Variants in TULP3 observed in about 807,000 individuals in gnomAD.
The protein encoded by TULP3 is tubby-related protein 3.
TULP3 carries 38 observed loss-of-function variants against 50.7 expected under a neutral mutation model. That is an observed-to-expected ratio of 0.75 (90% CI 0.58 to 0.98). The LOEUF (loss-of-function observed/expected upper bound fraction) is 0.98. Ranked by LOEUF, TULP3 falls within the 50% of genes least tolerant of loss-of-function variation. The probability of loss-of-function intolerance (pLI) is 0.00; values close to 1 mark genes in which losing one functional copy is unlikely to be tolerated. For missense variants in TULP3, 550 were observed against 568.0 expected (o/e 0.97, Z 0.32); for synonymous variants, 183 against 196.6 (o/e 0.93, Z 0.58).
At chr12:2,920,730 T>C in intron 2 of TULP3, 33 bp from the exon 3 acceptor site, 1 of 1,612,156 alleles carries the variant, frequency 6.2e-7, no homozygotes, top group Non-Finnish European at 8.5e-7. Context: ...GTCAAAACTC[T>C]CCTTGCTGGC....
At chr12:2,914,595 G>A (rs1387561895) in intron 2 of TULP3, among the ~76,000 whole-genome samples, 2 of 152,168 alleles carry the variant, frequency 1.3e-5, no homozygotes, top group African/African-American at 4.8e-5. Context: ...CTTTCCTGTT[G>A]AGTATATCTT....
intron 4 of TULP3, among the ~76,000 whole-genome samples, chr12:2,923,933 A>G (rs549845553): frequency 3.2e-3 from 493 of 152,136 alleles, no homozygotes; most frequent in Non-Finnish European, 5.1e-3. Context: ...TAAGCTTGCG[A>G]TTGCACCACT....
intron 8 of TULP3, 36 bp downstream of exon 8, chr12:2,934,597 C>A: frequency 7.1e-7 from 1 of 1,414,662 alleles, no homozygotes; most frequent in Non-Finnish European, 9.6e-7. Flanking sequence ...TGCCTGCCCT[C>A]CTGGTGTCCT....
chr12:2,917,614 A>C lies in TULP3; in HGVS notation c.94-3149A>C, dbSNP rs957709997. Among the ~76,000 whole-genome samples the C allele has an allele frequency of 1.1e-4, 16 of 152,258 alleles. No individual in the cohort carries two copies. In the East Asian group the frequency reaches 3.1e-3, roughly 29 times the overall value. On this transcript the variant is annotated intron_variant, in intron 2 of 10. Transcript: ENST00000448120. ...TTTCCTTGGCCAGGTACGGTGGCTC[A>C]TGCCTGTAATCCCAGCACTTTAGGA... is the stretch of plus-strand genomic sequence containing the variant.
chr12:2,922,128 C>CTT, intron 3 of TULP3, 134 bp from the exon 4 acceptor site: 2 of 1,092,484 alleles, frequency 1.8e-6, no homozygotes, highest in Non-Finnish European at 2.6e-6. Context: ...AACAAATGTT[C>CTT]TTATGGATGT....
At chr12:2,933,143 G>C (rs10848751) in intron 6 of TULP3, among the ~76,000 whole-genome samples, 72,553 of 151,754 alleles carry the variant, frequency 0.48, 17,807 homozygotes, top group African/African-American at 0.6. Flanking sequence ...AGGGTTTACG[G>C]TGTTAGCCAG....
At position 2,939,911 on chromosome 12, in the gene TULP3, C is replaced by T. The variant is rs1038402664; in HGVS notation, c.*467C>T. ...AGATGATTTAAAGCACAGGGAGATT[C>T]TTGTCACATTGGGGTCTCCAAAGCT... On this transcript the variant is annotated 3_prime_UTR_variant, in exon 11 of 11. Coordinates refer to ENST00000448120, the MANE Select transcript of TULP3 (RefSeq NM_003324.5). This position sits in a 1 kb window ranked among gnomAD's most constrained non-coding sequence, Gnocchi z 4.0. The T allele has an allele frequency of 8.0e-6, 10 of 1,253,944 alleles. No individual in the cohort carries two copies. The African/African-American group carries it at 1.4e-4, about 18-fold the overall frequency. The allele number at this position is 1,253,944 out of a possible 1,614,324, so 77.7% of individuals were successfully genotyped here. A position where few individuals can be genotyped will look rare whatever the true frequency, so the allele number is the denominator to read the frequency against.
chr12:2,926,490 A>C (rs1415846785), intron 4 of TULP3, among the ~76,000 whole-genome samples: 1 of 152,240 alleles, frequency 6.6e-6, no homozygotes, highest in Non-Finnish European at 1.5e-5. Context: ...GTCTCAAAAA[A>C]TAATAAGTTA....
chr12:2,938,035 G>T (rs1298426218), intron 9 of TULP3, 79 bp from the exon 10 acceptor site: 2 of 1,493,786 alleles, frequency 1.3e-6, no homozygotes, highest in Non-Finnish European at 1.8e-6. Context: ...CTGAAATGGA[G>T]AAAGTATTCT....
chr12:2,923,011 G>A (rs939454133), intron 4 of TULP3, among the ~76,000 whole-genome samples: 11 of 151,768 alleles, frequency 7.2e-5, no homozygotes, highest in African/African-American at 2.2e-4. Flanking sequence ...CCGCCACCAC[G>A]CCTGGCTAAT....
At chr12:2,906,674 T>C (rs1035584807) in intron 1 of TULP3, among the ~76,000 whole-genome samples, 1 of 150,902 alleles carries the variant, frequency 6.6e-6, no homozygotes, top group Non-Finnish European at 1.5e-5. Context: ...TCAGCACTTT[T>C]GGAGGCCGAG....
chr12:2,940,039 A>G lies in TULP3; in HGVS notation c.*595A>G. On this transcript the variant is annotated 3_prime_UTR_variant, in exon 11 of 11. Transcript: ENST00000448120. ...CCTCACAGCAGATTGGCCGGCACCA[A>G]TCTTAGTCAAGAGTGGCTGTGATCA... 2.3e-6 allele frequency: 3 copies of G among 1,288,838 alleles called. No individual in the cohort carries two copies. The highest frequency in any genetic ancestry group is 3.0e-6 in the Non-Finnish European group (3 of 988,442). The allele number at this position is 1,288,838 out of a possible 1,614,324, so 79.8% of individuals were successfully genotyped here.
intron 1 of TULP3, among the ~76,000 whole-genome samples, chr12:2,893,811 A>AT (rs63397262): frequency 0.17 from 25,246 of 146,384 alleles, 2,481 homozygotes; most frequent in East Asian, 0.29. Flanking sequence ...ATTTTTTTTA[A>AT]TTTTTATTTT....
intron 4 of TULP3, among the ~76,000 whole-genome samples, chr12:2,925,932 G>A (rs950065910): frequency 4.0e-4 from 61 of 152,230 alleles, no homozygotes; most frequent in East Asian, 1.9e-4. Flanking sequence ...GTGAGTTAAC[G>A]CCTTTTCATG....
At chr12:2,894,304 G>GC (rs2098174114) in intron 1 of TULP3, among the ~76,000 whole-genome samples, 1 of 138,092 alleles carries the variant, frequency 7.2e-6, no homozygotes, top group African/African-American at 2.7e-5. Context: ...GCGGGGCGGG[G>GC]GGGGGGAAAT....
chr12:2,895,726 C>A (rs1242495579), intron 1 of TULP3, among the ~76,000 whole-genome samples: 5 of 152,144 alleles, frequency 3.3e-5, no homozygotes, highest in African/African-American at 1.2e-4. Flanking sequence ...GGGATGCATT[C>A]TGAGAAATGT....
At chr12:2,891,035 C>T (rs1189566791) in intron 1 of TULP3, 47 bp downstream of exon 1, 33 of 1,504,888 alleles carry the variant, frequency 2.2e-5, no homozygotes, top group Non-Finnish European at 2.9e-5. Flanking sequence ...GGCGGAGGGG[C>T]GAAGCGAGAA....
At chr12:2,913,842 C>T (rs1184735541) in intron 2 of TULP3, among the ~76,000 whole-genome samples, 4 of 152,276 alleles carry the variant, frequency 2.6e-5, no homozygotes, top group Non-Finnish European at 5.9e-5. Flanking sequence ...AACTCCTAAC[C>T]TCATGATCCG....
chr12:2,910,484 C>T (rs778019671), intron 2 of TULP3, among the ~76,000 whole-genome samples: 6 of 152,108 alleles, frequency 3.9e-5, no homozygotes, highest in Non-Finnish European at 1.5e-5. Flanking sequence ...ACTAAATGAA[C>T]GGTTTTGTGT....
Sources: allele counts gnomAD v4.1 joint callset (sites outside exome capture counted in the v4.1 genomes callset), GRCh38; gene constraint gnomAD v4.1.1; non-coding constraint Gnocchi (gnomAD v3.1); transcripts MANE v1.5; gene names NCBI Gene and HGNC (gene_info 2026-07-23, HGNC 2026-07-21).